The following ZDHHC2 variants were observed in gnomAD, a reference collection of about 807,000 sequenced individuals.
ZDHHC2 encodes the protein zDHHC palmitoyltransferase 2.
ZDHHC2 carries 51 observed loss-of-function variants against 55.6 expected under a neutral mutation model. The observed-to-expected ratio is 0.92, with a 90% CI of 0.73 to 1.16. The LOEUF (loss-of-function observed/expected upper bound fraction) is 1.16, where lower values mean the gene tolerates loss of function less well. Ranked by LOEUF, ZDHHC2 falls within the 50% of genes most tolerant of loss-of-function variation. ZDHHC2 has a pLI of 0.00. For synonymous variants in ZDHHC2, 199 were observed against 152.9 expected (o/e 1.30, Z -2.22); for missense variants, 491 against 442.4 (o/e 1.11, Z -0.99).
At chr8:17,212,563 C>A (rs1807437872) in intron 10 of ZDHHC2, among the ~76,000 whole-genome samples, 1 of 152,140 alleles carries the variant, frequency 6.6e-6, no homozygotes, top group Admixed American at 6.5e-5. Context: ...CTAACCACCT[C>A]CAAGGCAGCT....
intron 6 of ZDHHC2, among the ~76,000 whole-genome samples, chr8:17,200,434 C>T (rs1023824684): frequency 2.0e-5 from 3 of 152,208 alleles, no homozygotes; most frequent in Non-Finnish European, 4.4e-5. Flanking sequence ...TAAGCACCCT[C>T]CTTTCTGGAT....
At chr8:17,204,217 A>G (rs777055841) in intron 6 of ZDHHC2, among the ~76,000 whole-genome samples, 1 of 152,234 alleles carries the variant, frequency 6.6e-6, no homozygotes, top group South Asian at 2.1e-4. Flanking sequence ...GAGATGATGT[A>G]AACATTTTTT....
chr8:17,184,270 T>C (rs752928199), intron 1 of ZDHHC2, among the ~76,000 whole-genome samples: 13 of 152,210 alleles, frequency 8.5e-5, no homozygotes, highest in Non-Finnish European at 1.6e-4. Context: ...CTGCCTGGCC[T>C]TTCGTTGTGC....
At position 17,220,703 on chromosome 8, in the gene ZDHHC2, C is replaced by T. The variant is rs1336545440; in HGVS notation, c.*482C>T. The T allele has an allele frequency of 6.6e-6, 1 of 152,054 alleles. No individual in the cohort carries two copies. The highest frequency in any genetic ancestry group is 2.4e-5 in the African/African-American group (1 of 41,390). The allele number at this position is 152,054 out of a possible 1,614,324, so 9.4% of individuals were successfully genotyped here. A position where few individuals can be genotyped will look rare whatever the true frequency, so the allele number is the denominator to read the frequency against. On this transcript the variant is annotated 3_prime_UTR_variant, in exon 13 of 13. Transcript: ENST00000262096. ...CTTTAAGAAGGTGGAAGTGGCAAAC[C>T]ATACTTCTTTTTTTTCCTCTGATGT...
chr8:17,199,491 T>TTCGTCTTCGTCTTCG (rs1255581276), intron 6 of ZDHHC2, among the ~76,000 whole-genome samples: 54 of 37,336 alleles, frequency 1.4e-3, no homozygotes, highest in African/African-American at 4.0e-3. Flanking sequence ...CTTCTTCTTC[T>TTCGTCTTCGTCTTCG]TCTTCTTCTT....
chr8:17,190,162 T>C (rs1805945052), intron 3 of ZDHHC2, among the ~76,000 whole-genome samples: 1 of 151,732 alleles, frequency 6.6e-6, no homozygotes, highest in Non-Finnish European at 1.5e-5. Context: ...ATAAAATATA[T>C]ACCAATACAC....
intron 7 of ZDHHC2, among the ~76,000 whole-genome samples, chr8:17,206,125 G>C (rs149200030): frequency 6.6e-6 from 1 of 152,192 alleles, no homozygotes; most frequent in East Asian, 1.9e-4. Flanking sequence ...TTAGTGCCAT[G>C]CTTTTTTCCA....
At chr8:17,210,233 T>C (rs959898249) in intron 9 of ZDHHC2, 155 bp from the exon 10 acceptor site, 20 of 1,069,626 alleles carry the variant, frequency 1.9e-5, no homozygotes, top group South Asian at 1.4e-4. Flanking sequence ...AGTTAATTCA[T>C]CATCTTCCTG....
intron 1 of ZDHHC2, among the ~76,000 whole-genome samples, chr8:17,178,374 A>G (rs929923303): frequency 6.6e-6 from 1 of 152,156 alleles, no homozygotes; most frequent in African/African-American, 2.4e-5. Flanking sequence ...ATTCTAGACT[A>G]TATTAATATA....
chr8:17,214,644 T>C (rs1807554989), intron 10 of ZDHHC2, among the ~76,000 whole-genome samples: 1 of 152,148 alleles, frequency 6.6e-6, no homozygotes, highest in African/African-American at 2.4e-5. Flanking sequence ...TGTGGTGGCC[T>C]ATGCATGTAA....
At chr8:17,193,863 C>T (rs1376539655) in intron 3 of ZDHHC2, among the ~76,000 whole-genome samples, 7 of 152,118 alleles carry the variant, frequency 4.6e-5, no homozygotes, top group Non-Finnish European at 8.8e-5. Flanking sequence ...TGATTTGCTG[C>T]ACCCATCAAC....
intron 1 of ZDHHC2, among the ~76,000 whole-genome samples, chr8:17,167,465 C>T (rs1415896278): frequency 1.3e-5 from 2 of 151,918 alleles, no homozygotes; most frequent in South Asian, 2.1e-4. Context: ...GCCATCATGC[C>T]GGGCTAATTT....
chr8:17,181,421 C>T (rs1373274291), intron 1 of ZDHHC2, among the ~76,000 whole-genome samples: 5 of 152,078 alleles, frequency 3.3e-5, no homozygotes, highest in South Asian at 2.1e-4. Flanking sequence ...TGCTATTCGT[C>T]GTGACTTTGA....
chr8:17,196,287 C>T (rs1806303366), intron 4 of ZDHHC2, among the ~76,000 whole-genome samples: 1 of 151,818 alleles, frequency 6.6e-6, no homozygotes, highest in African/African-American at 2.4e-5. Flanking sequence ...AGCCGCTAGC[C>T]CCATGTGGCT....
At chr8:17,191,478 G>A (rs1461880922) in intron 3 of ZDHHC2, among the ~76,000 whole-genome samples, 3 of 152,162 alleles carry the variant, frequency 2.0e-5, no homozygotes, top group Non-Finnish European at 4.4e-5. Context: ...ACCCTTCCCA[G>A]CCTCTGGTTG....
chr8:17,207,291 CTT>C (rs1322165039), intron 7 of ZDHHC2, among the ~76,000 whole-genome samples: 2 of 152,164 alleles, frequency 1.3e-5, no homozygotes, highest in Non-Finnish European at 2.9e-5. Flanking sequence ...TTCCAGGTCT[CTT>C]TGGATTTATA....
intron 1 of ZDHHC2, among the ~76,000 whole-genome samples, chr8:17,161,224 C>T (rs765656974): frequency 1.3e-5 from 2 of 152,174 alleles, no homozygotes; most frequent in Non-Finnish European, 2.9e-5. Flanking sequence ...AGTTGTTTTC[C>T]ACCATGAAAT....
At chr8:17,207,159 GT>G (rs1807140019) in intron 7 of ZDHHC2, among the ~76,000 whole-genome samples, 5 of 152,208 alleles carry the variant, frequency 3.3e-5, no homozygotes, top group Admixed American at 3.3e-4. Context: ...TGTGACCGGT[GT>G]CATTTGGTCA....
chr8:17,191,540 C>T (rs143261443), intron 3 of ZDHHC2, among the ~76,000 whole-genome samples: 1 of 152,288 alleles, frequency 6.6e-6, no homozygotes, highest in African/African-American at 2.4e-5. Flanking sequence ...ATTTTTAGCT[C>T]CCACAAGTAA....
Sources: allele counts gnomAD v4.1 joint callset (sites outside exome capture counted in the v4.1 genomes callset), GRCh38; gene constraint gnomAD v4.1.1; transcripts MANE v1.5; gene names NCBI Gene and HGNC (gene_info 2026-07-23, HGNC 2026-07-21).